The following HDAC9 variants were observed in gnomAD, a reference collection of about 807,000 sequenced individuals.
The protein encoded by HDAC9 is MEF-2 interacting transcription repressor (MITR) protein.
A neutral mutation model predicts 139.4 loss-of-function variants in HDAC9; 41 were observed. The observed-to-expected ratio is 0.29, with a 90% CI of 0.23 to 0.38. HDAC9 has a LOEUF of 0.38. Among genes scored for constraint, HDAC9 ranks in the 10% least tolerant of loss-of-function variants. The probability of loss-of-function intolerance (pLI) is 1.00; values close to 1 mark genes in which losing one functional copy is unlikely to be tolerated. For synonymous variants in HDAC9, 517 were observed against 476.2 expected (o/e 1.09, Z -1.12); for missense variants, 1,147 against 1,297.0 (o/e 0.88, Z 1.78).
intron 1 of HDAC9, among the ~76,000 whole-genome samples, chr7:18,386,603 A>G (rs1234724790): frequency 6.6e-6 from 1 of 152,180 alleles, no homozygotes; most frequent in Admixed American, 6.5e-5. Context: ...AACACTTACA[A>G]GAACATCGCA....
chr7:18,239,550 G>C (rs1163986521), intron 2 of HDAC9, among the ~76,000 whole-genome samples: 1 of 152,158 alleles, frequency 6.6e-6, no homozygotes, highest in Non-Finnish European at 1.5e-5. Flanking sequence ...TTCACCCGTA[G>C]ATCAGCGTCA....
At chr7:18,317,460 A>T (rs1799730987) in intron 1 of HDAC9, among the ~76,000 whole-genome samples, 1 of 152,240 alleles carries the variant, frequency 6.6e-6, no homozygotes, top group Admixed American at 6.5e-5. Flanking sequence ...CTTGTGTCTG[A>T]TAAATTTGAA....
chr7:18,094,419 G>T (rs1316748114), intron 1 of HDAC9, among the ~76,000 whole-genome samples: 1 of 151,322 alleles, frequency 6.6e-6, no homozygotes, highest in East Asian at 1.9e-4. Context: ...CCTGGACCCA[G>T]CCTATCTTTG....
chr7:18,731,809 A>G (rs1055618047), intron 13 of HDAC9, among the ~76,000 whole-genome samples: 1 of 152,046 alleles, frequency 6.6e-6, no homozygotes, highest in African/African-American at 2.4e-5. Context: ...TATTTTTAGT[A>G]GAGACGGGGT....
At chr7:18,823,200 A>C (rs942219811) in intron 17 of HDAC9, among the ~76,000 whole-genome samples, 17 of 152,178 alleles carry the variant, frequency 1.1e-4, no homozygotes, top group African/African-American at 3.9e-4. Flanking sequence ...TTTCTGGTGG[A>C]AGAATGTAGA....
intron 1 of HDAC9, among the ~76,000 whole-genome samples, chr7:18,318,568 A>T (rs1172168516): frequency 6.6e-6 from 1 of 152,204 alleles, no homozygotes; most frequent in Non-Finnish European, 1.5e-5. Context: ...GGGCCTCAGC[A>T]TCTGGATTTT....
At chr7:18,677,800 T>C (rs997231170) in intron 12 of HDAC9, among the ~76,000 whole-genome samples, 1 of 151,962 alleles carries the variant, frequency 6.6e-6, no homozygotes, top group African/African-American at 2.4e-5. Context: ...TACTTTGTCA[T>C]TGGCCTTCCA....
At chr7:18,909,135 C>A (rs1175734792) in intron 22 of HDAC9, among the ~76,000 whole-genome samples, 1 of 152,046 alleles carries the variant, frequency 6.6e-6, no homozygotes, top group African/African-American at 2.4e-5. Context: ...TTGCATTTTC[C>A]TGATGATTAG....
intron 2 of HDAC9, among the ~76,000 whole-genome samples, chr7:18,565,767 G>A (rs1822119958): frequency 6.6e-6 from 1 of 151,878 alleles, no homozygotes; most frequent in Non-Finnish European, 1.5e-5. Flanking sequence ...ATAAGCCTTT[G>A]CAAGTAATGA....
intron 2 of HDAC9, among the ~76,000 whole-genome samples, chr7:18,580,099 T>A (rs971735150): frequency 2.6e-5 from 4 of 152,200 alleles, no homozygotes; most frequent in African/African-American, 9.6e-5. Context: ...TCCTTAGTAC[T>A]CTGAATGAAC....
chr7:18,324,065 C>A (rs1223737084), intron 1 of HDAC9, among the ~76,000 whole-genome samples: 1 of 151,870 alleles, frequency 6.6e-6, no homozygotes, highest in African/African-American at 2.4e-5. Context: ...TCCAAAAGCC[C>A]CACGTCCAAA....
chr7:18,296,000 T>A (rs768971136), intron 1 of HDAC9, among the ~76,000 whole-genome samples: 1 of 152,190 alleles, frequency 6.6e-6, no homozygotes, highest in Non-Finnish European at 1.5e-5. Context: ...CTAGAATTTT[T>A]CTGCAGGAGA....
At chr7:18,664,948 A>G (rs1794392841) in intron 11 of HDAC9, among the ~76,000 whole-genome samples, 1 of 152,172 alleles carries the variant, frequency 6.6e-6, no homozygotes, top group Non-Finnish European at 1.5e-5. Flanking sequence ...TTTGTTGAAC[A>G]AATGAATGAA....
At chr7:18,331,612 A>C (rs769428848) in intron 1 of HDAC9, among the ~76,000 whole-genome samples, 1 of 143,708 alleles carries the variant, frequency 7.0e-6, no homozygotes, top group Non-Finnish European at 1.6e-5. Context: ...GTATCCCAGA[A>C]CTTAAAGTAT....
intron 22 of HDAC9, among the ~76,000 whole-genome samples, chr7:18,929,423 G>A (rs1318869218): frequency 6.6e-6 from 1 of 151,938 alleles, no homozygotes; most frequent in Non-Finnish European, 1.5e-5. Flanking sequence ...GTGGTTTCAA[G>A]GTCATGGTAA....
At chr7:18,508,658 A>G (rs999539279) in intron 2 of HDAC9, among the ~76,000 whole-genome samples, 3 of 152,138 alleles carry the variant, frequency 2.0e-5, no homozygotes, top group African/African-American at 7.2e-5. Context: ...AGTATGAGTC[A>G]TTGCTAGTAG....
At chr7:18,914,666 A>G (rs1245419145) in intron 22 of HDAC9, among the ~76,000 whole-genome samples, 1 of 152,058 alleles carries the variant, frequency 6.6e-6, no homozygotes, top group Admixed American at 6.6e-5. Flanking sequence ...TTAGCACACC[A>G]TTGATGGGAT....
chr7:18,232,012 G>A (rs905466552), intron 2 of HDAC9, among the ~76,000 whole-genome samples: 12 of 152,110 alleles, frequency 7.9e-5, no homozygotes, highest in African/African-American at 2.7e-4. Flanking sequence ...AATTTCCATC[G>A]AAGGTAAAAT....
chr7:18,666,561 A>G (rs1794948748), intron 12 of HDAC9, 85 bp downstream of exon 12: 11 of 1,528,052 alleles, frequency 7.2e-6, no homozygotes, highest in African/African-American at 1.4e-5. Flanking sequence ...GTAAATGGAT[A>G]TGATTTCCTA....
Sources: gnomAD v4.1 joint callset for allele counts (sites outside exome capture counted in the v4.1 genomes callset) on GRCh38, gnomAD v4.1.1 for gene constraint, MANE v1.5 for transcripts, NCBI Gene and HGNC (gene_info 2026-07-23, HGNC 2026-07-21) for gene names.